Variants in ARL9 observed in about 807,000 individuals in gnomAD.
The protein encoded by ARL9 is ADP-ribosylation factor-like protein 9.
A neutral mutation model predicts 27.0 loss-of-function variants in ARL9; 14 were observed. The ratio of observed to expected loss-of-function variants is 0.52; its 90% confidence interval spans 0.34 to 0.81. ARL9 has a LOEUF of 0.81. ARL9 is among the 30% of genes least tolerant of loss of function. The probability of loss-of-function intolerance (pLI) is 0.01; values close to 1 mark genes in which losing one functional copy is unlikely to be tolerated. For missense variants in ARL9, 294 were observed against 290.0 expected (o/e 1.01, Z -0.10); for synonymous variants, 106 against 108.7 (o/e 0.98, Z 0.15).
Position 56,509,701 on chromosome 4 carries a change from A to ATTT in ARL9, c.280-1462_280-1460dup, listed in dbSNP as rs766835732. ...AGGCACCCACCACTGCACTGGGCTA[A>ATTT]TTTTTTTTTTTTTTTTTTTTTTTTA... On this transcript the variant is annotated intron_variant, in intron 1 of 3. Transcript: ENST00000640821. Among the ~76,000 whole-genome samples the ATTT allele has an allele frequency of 2.8e-3, 271 of 98,290 alleles. 17 individuals are homozygous for ATTT. The highest frequency in any genetic ancestry group is 0.011 in the African/African-American group (257 of 22,374). 64.5% of individuals were successfully genotyped at this position (98,290 alleles called of 152,430 possible). A position where few individuals can be genotyped will look rare whatever the true frequency, so the allele number is the denominator to read the frequency against.
chr4:56,513,324 A>G (rs1424356527), intron 2 of ARL9, among the ~76,000 whole-genome samples: 3 of 152,210 alleles, frequency 2.0e-5, no homozygotes, highest in Non-Finnish European at 4.4e-5. Context: ...TTCATTGTAT[A>G]AGCCTATTCG....
rs112020467 is a variant in ARL9, at chr4:56,521,722, G to A, written c.619-1975G>A. ...AATGTGCATTTCCTTAACTACTTGT[G>A]AGTTTGAACATTTTTTCAGATGTTT... On this transcript the variant is annotated intron_variant, in intron 3 of 3. Coordinates refer to ENST00000640821, the MANE Select transcript of ARL9 (RefSeq NM_001363794.2). Among the ~76,000 whole-genome samples the A allele has an allele frequency of 8.8e-3, 1,343 of 152,150 alleles. 20 individuals carry two copies. The highest frequency in any genetic ancestry group is 0.031 in the African/African-American group (1,275 of 41,490).
intron 2 of ARL9, among the ~76,000 whole-genome samples, chr4:56,516,194 C>T (rs1293559206): frequency 2.0e-5 from 3 of 152,034 alleles, no homozygotes; most frequent in Non-Finnish European, 2.9e-5. Flanking sequence ...AGTTTCCTGC[C>T]TCCTATGCAT....
chr4:56,507,933 G>A (rs1213182152), intron 1 of ARL9, among the ~76,000 whole-genome samples: 1 of 148,552 alleles, frequency 6.7e-6, no homozygotes, highest in African/African-American at 2.5e-5. Context: ...CCAAGATCGT[G>A]CCACTGCACT....
chr4:56,523,167 C>T (rs756608888), intron 3 of ARL9, among the ~76,000 whole-genome samples: 1 of 152,154 alleles, frequency 6.6e-6, no homozygotes, highest in African/African-American at 2.4e-5. Context: ...GGAAGGATTG[C>T]TTGAGGCCAG....
chr4:56,513,264 T>C (rs1029651664), intron 2 of ARL9, among the ~76,000 whole-genome samples: 2 of 152,248 alleles, frequency 1.3e-5, no homozygotes, highest in Non-Finnish European at 2.9e-5. Context: ...TGGGCTGTTA[T>C]GCTGTTGTGT....
chr4:56,513,294 G>C (rs1233142496), intron 2 of ARL9, among the ~76,000 whole-genome samples: 1 of 152,096 alleles, frequency 6.6e-6, no homozygotes, highest in African/African-American at 2.4e-5. Flanking sequence ...AGTATGTTGG[G>C]GATTGGTGGG....
In ARL9 at chr4:56,505,846, A is replaced by C; in HGVS notation, c.-17A>C. ...CGCGGGCACGCGGCGGGAGGGAAGG[A>C]AACCGCGGCGCTGGGGATGGAGAGG... On this transcript the variant is annotated 5_prime_UTR_variant, in exon 1 of 4. Coordinates refer to ENST00000640821, the MANE Select transcript of ARL9 (RefSeq NM_001363794.2). 7.8e-7 allele frequency: 1 copy of C among 1,277,104 alleles called. No homozygotes were observed. Among genetic ancestry groups the C allele is most frequent in the South Asian group, 3.0e-5 (1 of 33,732 alleles). The allele number at this position is 1,277,104 out of a possible 1,614,324, so 79.1% of individuals were successfully genotyped here.
intron 1 of ARL9, chr4:56,506,786 T>TTTTGTGTGTGTGTGTGTGTG (rs775195012): frequency 1.1e-5 from 2 of 179,852 alleles, no homozygotes; most frequent in African/African-American, 7.5e-5. Flanking sequence ...ATTAACACAG[T>TTTTGTGTGTGTGTGTGTGTG]TGTGTGTGTG....
At chr4:56,520,944 G>T (rs1298286602) in intron 3 of ARL9, among the ~76,000 whole-genome samples, 2 of 152,184 alleles carry the variant, frequency 1.3e-5, no homozygotes, top group Non-Finnish European at 2.9e-5. Flanking sequence ...GGGCGTGGTG[G>T]CTCATGCCTG....
At chr4:56,516,722 A>ACCTAT (rs1721777830) in intron 2 of ARL9, among the ~76,000 whole-genome samples, 1 of 152,118 alleles carries the variant, frequency 6.6e-6, no homozygotes. Context: ...CTGGAGTTCA[A>ACCTAT]GGGTTCAAGA....
At chr4:56,516,646 T>C (rs1163477955) in intron 2 of ARL9, among the ~76,000 whole-genome samples, 1 of 150,128 alleles carries the variant, frequency 6.7e-6, no homozygotes, top group Non-Finnish European at 1.5e-5. Flanking sequence ...TTGAAGAGGA[T>C]GCAGCTGGGT....
intron 3 of ARL9, among the ~76,000 whole-genome samples, chr4:56,522,796 C>T (rs902635433): frequency 6.6e-6 from 1 of 152,140 alleles, no homozygotes; most frequent in Non-Finnish European, 1.5e-5. Context: ...TCTTCCAAGC[C>T]TCCCCCATCT....
At chr4:56,517,051 C>T (rs1336509477) in intron 2 of ARL9, among the ~76,000 whole-genome samples, 1 of 152,184 alleles carries the variant, frequency 6.6e-6, no homozygotes, top group African/African-American at 2.4e-5. Flanking sequence ...GTGTATTTGG[C>T]ATTAGTTACA....
At chr4:56,508,676 G>A (rs767759638) in intron 1 of ARL9, among the ~76,000 whole-genome samples, 2 of 152,136 alleles carry the variant, frequency 1.3e-5, no homozygotes, top group Non-Finnish European at 2.9e-5. Flanking sequence ...AAGAGCCACC[G>A]CACCGGCCTA....
At chr4:56,514,194 C>G (rs1721714426) in intron 2 of ARL9, among the ~76,000 whole-genome samples, 1 of 152,030 alleles carries the variant, frequency 6.6e-6, no homozygotes, top group Non-Finnish European at 1.5e-5. Flanking sequence ...ACAAAATCTA[C>G]TGATCAAAAC....
intron 2 of ARL9, among the ~76,000 whole-genome samples, chr4:56,515,927 A>G (rs1230530610): frequency 6.6e-6 from 1 of 152,216 alleles, no homozygotes; most frequent in Non-Finnish European, 1.5e-5. Context: ...AGATTTTTTA[A>G]AAAGAGTTTG....
At chr4:56,515,825 G>T (rs931793115) in intron 2 of ARL9, among the ~76,000 whole-genome samples, 3 of 152,134 alleles carry the variant, frequency 2.0e-5, no homozygotes, top group Admixed American at 1.3e-4. Context: ...ACATAATACA[G>T]TTTTCATGAA....
chr4:56,511,738 C>T (rs926709651), intron 2 of ARL9, among the ~76,000 whole-genome samples: 2 of 152,162 alleles, frequency 1.3e-5, no homozygotes, highest in African/African-American at 4.8e-5. Context: ...TGGCAGTCCA[C>T]AGGCCCCTAC....
Sources: allele counts gnomAD v4.1 joint callset (sites outside exome capture counted in the v4.1 genomes callset), GRCh38; gene constraint gnomAD v4.1.1; transcripts MANE v1.5; gene names NCBI Gene and HGNC (gene_info 2026-07-23, HGNC 2026-07-21).